The following NCEH1 variants were observed in gnomAD, a reference collection of about 807,000 sequenced individuals.
NCEH1 encodes the protein 2-acetyl MAGE hydrolase.
In NCEH1, 9 loss-of-function variants were observed where a neutral mutation model predicts 25.4. The ratio of observed to expected loss-of-function variants is 0.35; its 90% CI spans 0.21 to 0.62. The LOEUF is 0.62. Among genes scored for constraint, NCEH1 ranks in the 20% least tolerant of loss-of-function variants. The pLI, the probability that NCEH1 is intolerant of heterozygous loss-of-function variation, is 0.72. For missense variants in NCEH1, 412 were observed against 501.1 expected, an observed-to-expected ratio of 0.82 and a Z score of 1.70; for synonymous variants, 200 against 199.8, an observed-to-expected ratio of 1.00 and a Z score of -0.01.
intron 1 of NCEH1, among the ~76,000 whole-genome samples, chr3:172,694,615 T>G (rs1713258691): frequency 1.3e-5 from 2 of 152,192 alleles, no homozygotes; most frequent in African/African-American, 4.8e-5. Flanking sequence ...GGGTTGAGAC[T>G]TTGAATGGAA....
intron 3 of NCEH1, among the ~76,000 whole-genome samples, chr3:172,643,015 T>G (rs1716933779): frequency 6.6e-6 from 1 of 152,166 alleles, no homozygotes; most frequent in Non-Finnish European, 1.5e-5. Flanking sequence ...CTCGGCTCAC[T>G]GCAACCTCCG....
chr3:172,640,208 A>G (rs150778712), intron 3 of NCEH1, among the ~76,000 whole-genome samples: 110 of 152,314 alleles, frequency 7.2e-4, no homozygotes, highest in African/African-American at 2.2e-3. Context: ...AGCAGGAGAG[A>G]GGATAAGCCT....
At chr3:172,649,992 G>A (rs1289321664) in intron 1 of NCEH1, among the ~76,000 whole-genome samples, 1 of 152,212 alleles carries the variant, frequency 6.6e-6, no homozygotes, top group African/African-American at 2.4e-5. Context: ...ACAGATATGA[G>A]AAGACTGTAC....
intron 2 of NCEH1, among the ~76,000 whole-genome samples, chr3:172,645,949 T>A (rs1349193295): frequency 6.6e-6 from 1 of 152,232 alleles, no homozygotes; most frequent in Non-Finnish European, 1.5e-5. Context: ...ATTTATTTCA[T>A]AACGGACTAT....
At chr3:172,646,196 T>A (rs867354371) in intron 2 of NCEH1, among the ~76,000 whole-genome samples, 16 of 152,016 alleles carry the variant, frequency 1.1e-4, no homozygotes, top group East Asian at 5.8e-4. Flanking sequence ...TATAAAAAAA[T>A]TTTTTTTAAT....
chr3:172,666,740 C>T (rs1385537820), intron 1 of NCEH1, among the ~76,000 whole-genome samples: 3 of 152,162 alleles, frequency 2.0e-5, no homozygotes, highest in African/African-American at 7.2e-5. Flanking sequence ...GGCTGTCTGC[C>T]GGCTATCCTG....
intron 1 of NCEH1, among the ~76,000 whole-genome samples, chr3:172,667,494 C>T (rs192342052): frequency 1.3e-5 from 2 of 152,286 alleles, no homozygotes; most frequent in East Asian, 1.9e-4. Context: ...CCTAAGGTTG[C>T]GCAGTAAAGC....
At chr3:172,645,571 T>C (rs1484746103) in intron 3 of NCEH1, 52 bp downstream of exon 3, 4 of 1,134,826 alleles carry the variant, frequency 3.5e-6, no homozygotes, top group Non-Finnish European at 5.2e-6. Flanking sequence ...CAGACTGTTA[T>C]CTAGAATTCC....
intron 3 of NCEH1, among the ~76,000 whole-genome samples, chr3:172,640,827 A>T (rs961602243): frequency 6.6e-6 from 1 of 152,116 alleles, no homozygotes; most frequent in African/African-American, 2.4e-5. Flanking sequence ...TTTAAGAGAC[A>T]GTCTTGCTCT....
chr3:172,710,404 C>G (rs1714233687), intron 1 of NCEH1, among the ~76,000 whole-genome samples: 1 of 152,226 alleles, frequency 6.6e-6, no homozygotes, highest in Non-Finnish European at 1.5e-5. Flanking sequence ...GCTTCTGCTT[C>G]TAAGGTGGCT....
chr3:172,672,011 C>T (rs1482301382), intron 1 of NCEH1, among the ~76,000 whole-genome samples: 1 of 152,230 alleles, frequency 6.6e-6, no homozygotes, highest in Admixed American at 6.5e-5. Flanking sequence ...TTCACATTTG[C>T]TTACTACTCA....
chr3:172,652,573 G>A (rs1717452170), intron 1 of NCEH1, among the ~76,000 whole-genome samples: 2 of 152,160 alleles, frequency 1.3e-5, no homozygotes, highest in Non-Finnish European at 2.9e-5. Context: ...AACTCACTGG[G>A]AATAAGTTTC....
At chr3:172,689,618 GT>G (rs373735831) in intron 1 of NCEH1, among the ~76,000 whole-genome samples, 145,974 of 145,982 alleles carry the variant, frequency 1, 72,983 homozygotes, top group Middle Eastern at 1. Context: ...GCCGAGTCGG[GT>G]AGACCACCTG....
intron 1 of NCEH1, among the ~76,000 whole-genome samples, chr3:172,652,267 G>A (rs1335699729): frequency 6.6e-6 from 1 of 152,254 alleles, no homozygotes; most frequent in East Asian, 1.9e-4. Context: ...CTGCATGAAT[G>A]TCTTGCAGAT....
chr3:172,664,927 T>C (rs974652022), intron 1 of NCEH1, among the ~76,000 whole-genome samples: 4 of 152,202 alleles, frequency 2.6e-5, no homozygotes, highest in Non-Finnish European at 4.4e-5. Context: ...TGGGAGAAGT[T>C]TGTCATTACC....
chr3:172,677,818 C>G (rs1207662389), intron 1 of NCEH1, among the ~76,000 whole-genome samples: 1 of 33,522 alleles, frequency 3.0e-5, no homozygotes, highest in Non-Finnish European at 6.7e-5. Flanking sequence ...GTCCCAGCTA[C>G]TTGAGAGGCT....
intron 1 of NCEH1, among the ~76,000 whole-genome samples, chr3:172,657,711 G>C (rs938314162): frequency 6.6e-6 from 1 of 151,976 alleles, no homozygotes; most frequent in Non-Finnish European, 1.5e-5. Flanking sequence ...TTTCTTACAG[G>C]AAAAAAAGAA....
chr3:172,683,264 G>A (rs1427874095), intron 1 of NCEH1, among the ~76,000 whole-genome samples: 5 of 118,918 alleles, frequency 4.2e-5, no homozygotes, highest in Middle Eastern at 3.5e-3. Flanking sequence ...TTAGCCAGGC[G>A]TAGTGGCGGG....
chr3:172,666,412 C>G (rs1718210903), intron 1 of NCEH1, among the ~76,000 whole-genome samples: 1 of 152,138 alleles, frequency 6.6e-6, no homozygotes, highest in South Asian at 2.1e-4. Flanking sequence ...CCAGACACTG[C>G]CCCCTGCAGC....
Sources: allele counts gnomAD v4.1 joint callset (sites outside exome capture counted in the v4.1 genomes callset), GRCh38; gene constraint gnomAD v4.1.1; transcripts MANE v1.5; gene names NCBI Gene and HGNC (gene_info 2026-07-23, HGNC 2026-07-21).